AGBL1: variants seen among roughly 807,000 people sequenced by gnomAD.
AGBL1 encodes AGBL carboxypeptidase 1.
A neutral mutation model predicts 118.9 loss-of-function variants in AGBL1; 130 were observed. The ratio of observed to expected loss-of-function variants is 1.09; its 90% CI spans 0.95 to 1.26. The LOEUF is 1.26. Ranked by LOEUF, AGBL1 falls within the 50% of genes most tolerant of loss-of-function variation. AGBL1 has a pLI of 0.00. For missense variants in AGBL1, 1,584 were observed against 1,298.1 expected (o/e 1.22, Z -3.38); for synonymous variants, 555 against 478.9 (o/e 1.16, Z -2.08).
chr15:86,933,317 A>C (rs1282262426), intron 23 of AGBL1, among the ~76,000 whole-genome samples: 1 of 152,182 alleles, frequency 6.6e-6, no homozygotes, highest in African/African-American at 2.4e-5. Context: ...CCCTCCCTAC[A>C]ACTGATCCCC....
intron 19 of AGBL1, among the ~76,000 whole-genome samples, chr15:86,527,985 A>C (rs1328040229): frequency 6.6e-6 from 1 of 152,110 alleles, no homozygotes; most frequent in African/African-American, 2.4e-5. Context: ...CCATCCACCC[A>C]ATGTAGGCAG....
intron 23 of AGBL1, among the ~76,000 whole-genome samples, chr15:86,951,158 A>G (rs946835060): frequency 1.2e-4 from 19 of 152,148 alleles, no homozygotes; most frequent in African/African-American, 4.1e-4. Flanking sequence ...AAATTTTTCT[A>G]CCTTCATTGC....
At chr15:86,330,465 A>C (rs149064253) in intron 17 of AGBL1, among the ~76,000 whole-genome samples, 1 of 152,342 alleles carries the variant, frequency 6.6e-6, no homozygotes, top group Non-Finnish European at 1.5e-5. Context: ...ACTATAAGGA[A>C]AGATAAAGAA....
intron 17 of AGBL1, among the ~76,000 whole-genome samples, chr15:86,336,056 A>G (rs1567205116): frequency 6.6e-6 from 1 of 152,222 alleles, no homozygotes; most frequent in Non-Finnish European, 1.5e-5. Flanking sequence ...GCATGAAGTT[A>G]GCTTCCTGTC....
At chr15:86,089,757 A>G (rs953558811) in intron 1 of AGBL1, among the ~76,000 whole-genome samples, 1 of 152,152 alleles carries the variant, frequency 6.6e-6, no homozygotes, top group Non-Finnish European at 1.5e-5. Context: ...AGCCCTCTAA[A>G]GACAGAATTA....
At chr15:86,171,156 G>A (rs576155415) in intron 5 of AGBL1, among the ~76,000 whole-genome samples, 3 of 152,172 alleles carry the variant, frequency 2.0e-5, no homozygotes, top group South Asian at 2.1e-4. Flanking sequence ...AAAACTTTAG[G>A]CAGAAGGAAA....
chr15:86,441,267 T>C (rs1017226432), intron 18 of AGBL1, among the ~76,000 whole-genome samples: 1 of 152,230 alleles, frequency 6.6e-6, no homozygotes, highest in Non-Finnish European at 1.5e-5. Context: ...AAGAACCCTT[T>C]AAACTAGTGA....
chr15:86,427,002 GTGATCCGCC>G (rs2081875566), intron 18 of AGBL1, among the ~76,000 whole-genome samples: 1 of 152,094 alleles, frequency 6.6e-6, no homozygotes, highest in Non-Finnish European at 1.5e-5. Flanking sequence ...CTGACCTCAG[GTGATCCGCC>G]TGCCTCGGCC....
At chr15:86,401,168 G>A (rs767632871) in intron 18 of AGBL1, among the ~76,000 whole-genome samples, 36 of 152,196 alleles carry the variant, frequency 2.4e-4, no homozygotes, top group Non-Finnish European at 3.2e-4. Flanking sequence ...AAGTAAGGTG[G>A]TATCTCATTG....
intron 21 of AGBL1, among the ~76,000 whole-genome samples, chr15:86,654,035 C>A (rs2085422413): frequency 6.6e-6 from 1 of 152,178 alleles, no homozygotes; most frequent in Non-Finnish European, 1.5e-5. Flanking sequence ...TTAGAATGTT[C>A]TTTCTTCACA....
At chr15:87,028,183 C>CATAATATTCAATGCA (rs2141815637) in intron 24 of AGBL1, among the ~76,000 whole-genome samples, 1 of 151,984 alleles carries the variant, frequency 6.6e-6, no homozygotes, top group African/African-American at 2.4e-5. Flanking sequence ...TGATCAACCT[C>CATAATATTCAATGCA]ATAATATTCA....
intron 17 of AGBL1, among the ~76,000 whole-genome samples, chr15:86,367,778 A>G (rs898348185): frequency 3.3e-5 from 5 of 152,194 alleles, no homozygotes; most frequent in African/African-American, 4.8e-5. Context: ...TGACGTTGGT[A>G]GATAAAATAT....
At chr15:86,185,694 G>A (rs2077620812) in intron 5 of AGBL1, among the ~76,000 whole-genome samples, 2 of 150,046 alleles carry the variant, frequency 1.3e-5, no homozygotes, top group Non-Finnish European at 3.0e-5. Context: ...CTCATAGGTG[G>A]GAATTGAACA....
At chr15:86,246,104 C>G (rs1017850623) in intron 6 of AGBL1, among the ~76,000 whole-genome samples, 2 of 152,112 alleles carry the variant, frequency 1.3e-5, no homozygotes, top group African/African-American at 4.8e-5. Context: ...GGCTTGTCTC[C>G]AAACTCCTGG....
intron 22 of AGBL1, among the ~76,000 whole-genome samples, chr15:86,883,009 A>G (rs1248774368): frequency 6.6e-6 from 1 of 152,222 alleles, no homozygotes; most frequent in Non-Finnish European, 1.5e-5. Context: ...GAGGAGTTGC[A>G]GAGTTGCTTG....
chr15:86,561,079 T>A (rs1044908095), intron 21 of AGBL1, among the ~76,000 whole-genome samples: 6 of 152,266 alleles, frequency 3.9e-5, no homozygotes, highest in Admixed American at 6.5e-5. Flanking sequence ...TTTCCCATTC[T>A]GTAGGTTGCC....
At chr15:87,007,968 A>G (rs188379094) in intron 24 of AGBL1, among the ~76,000 whole-genome samples, 223 of 152,376 alleles carry the variant, frequency 1.5e-3, no homozygotes, top group African/African-American at 5.0e-3. Context: ...AATGGAAGTC[A>G]TAAAGAAGAA....
At chr15:86,513,890 G>A (rs2083083318) in intron 18 of AGBL1, among the ~76,000 whole-genome samples, 1 of 151,854 alleles carries the variant, frequency 6.6e-6, no homozygotes, top group Non-Finnish European at 1.5e-5. Context: ...ATTTCAACAT[G>A]TCTCCATTAT....
chr15:86,437,740 C>T (rs922211281), intron 18 of AGBL1, among the ~76,000 whole-genome samples: 3 of 152,174 alleles, frequency 2.0e-5, no homozygotes, highest in African/African-American at 7.2e-5. Flanking sequence ...CTCCCAGTCT[C>T]TTCATCTGTC....
Sources: gnomAD v4.1 joint callset for allele counts (sites outside exome capture counted in the v4.1 genomes callset) on GRCh38, gnomAD v4.1.1 for gene constraint, MANE v1.5 for transcripts, NCBI Gene and HGNC (gene_info 2026-07-23, HGNC 2026-07-21) for gene names.